Variants in NEGR1 observed in about 807,000 individuals in gnomAD.
NEGR1 encodes IgLON family member 4.
A neutral mutation model predicts 40.9 loss-of-function variants in NEGR1; 10 were observed. The observed-to-expected ratio is 0.24, with a 90% confidence interval of 0.15 to 0.42. NEGR1 has a LOEUF of 0.42. Among genes scored for constraint, NEGR1 ranks in the 10% least tolerant of loss-of-function variants. NEGR1 has a pLI of 1.00. For synonymous variants in NEGR1, 185 were observed against 166.8 expected, an observed-to-expected ratio of 1.11 and a Z score of -0.84; for missense variants, 352 against 438.9, an observed-to-expected ratio of 0.80 and a Z score of 1.77.
At chr1:71,902,530 G>A (rs1389748069) in intron 2 of NEGR1, among the ~76,000 whole-genome samples, 6 of 152,128 alleles carry the variant, frequency 3.9e-5, no homozygotes, top group African/African-American at 7.2e-5. Flanking sequence ...GTGATGACCT[G>A]CTTGGTCAGA....
At chr1:71,964,383 C>A (rs555993247) in intron 1 of NEGR1, among the ~76,000 whole-genome samples, 90 of 152,240 alleles carry the variant, frequency 5.9e-4, no homozygotes, top group African/African-American at 2.1e-3. Context: ...TCACTCTCCC[C>A]ATTACTCCTC....
intron 1 of NEGR1, among the ~76,000 whole-genome samples, chr1:71,991,382 C>T (rs1646449362): frequency 6.6e-6 from 1 of 152,148 alleles, no homozygotes; most frequent in Non-Finnish European, 1.5e-5. Flanking sequence ...AACCACTACT[C>T]CCTCCCACCA....
intron 1 of NEGR1, among the ~76,000 whole-genome samples, chr1:72,192,779 G>GT (rs1484630378): frequency 6.6e-6 from 1 of 151,782 alleles, no homozygotes; most frequent in Non-Finnish European, 1.5e-5. Context: ...GGATTATAGA[G>GT]TTTATCATAT....
intron 1 of NEGR1, among the ~76,000 whole-genome samples, chr1:72,005,749 A>G (rs1646600986): frequency 6.6e-6 from 1 of 152,150 alleles, no homozygotes; most frequent in African/African-American, 2.4e-5. Context: ...CAATATTTCA[A>G]AATATCTAGC....
intron 4 of NEGR1, among the ~76,000 whole-genome samples, chr1:71,621,598 A>C (rs1404530931): frequency 6.6e-6 from 1 of 151,454 alleles, no homozygotes; most frequent in Non-Finnish European, 1.5e-5. Flanking sequence ...GGTACAGAAA[A>C]AAAACAAAAT....
intron 1 of NEGR1, among the ~76,000 whole-genome samples, chr1:72,221,687 A>G (rs1654015747): frequency 6.6e-6 from 1 of 152,178 alleles, no homozygotes; most frequent in Non-Finnish European, 1.5e-5. Flanking sequence ...TAAAATCCTC[A>G]AAAAATCCTG....
At chr1:71,887,606 C>T (rs1268240376) in intron 2 of NEGR1, among the ~76,000 whole-genome samples, 1 of 152,050 alleles carries the variant, frequency 6.6e-6, no homozygotes, top group Admixed American at 6.6e-5. Context: ...GAGTAATTAG[C>T]ATATCCATCA....
intron 2 of NEGR1, among the ~76,000 whole-genome samples, chr1:71,902,259 C>T (rs1661163094): frequency 6.6e-6 from 1 of 152,066 alleles, no homozygotes; most frequent in South Asian, 2.1e-4. Flanking sequence ...AATAAGAGCG[C>T]AGTATGTGGT....
chr1:71,639,575 G>T (rs2101572077), intron 4 of NEGR1, among the ~76,000 whole-genome samples: 1 of 152,134 alleles, frequency 6.6e-6, no homozygotes. Flanking sequence ...AAGTTAGAAG[G>T]TGAGGCATAG....
At chr1:72,273,251 T>C (rs990860718) in intron 1 of NEGR1, among the ~76,000 whole-genome samples, 1 of 152,030 alleles carries the variant, frequency 6.6e-6, no homozygotes, top group African/African-American at 2.4e-5. Context: ...AATTGAGTTA[T>C]TCATCCATAT....
chr1:71,898,980 G>GTATA (rs1661062571), intron 2 of NEGR1, among the ~76,000 whole-genome samples: 3 of 10,872 alleles, frequency 2.8e-4, no homozygotes, highest in East Asian at 0.011. Context: ...TATATATATA[G>GTATA]CATATATATA....
At chr1:71,985,992 A>C (rs1646390821) in intron 1 of NEGR1, among the ~76,000 whole-genome samples, 1 of 152,228 alleles carries the variant, frequency 6.6e-6, no homozygotes, top group South Asian at 2.1e-4. Flanking sequence ...AAATACATTT[A>C]ACTGAGAACA....
intron 6 of NEGR1, among the ~76,000 whole-genome samples, chr1:71,445,045 A>G (rs1029177420): frequency 1.4e-4 from 22 of 152,304 alleles, no homozygotes; most frequent in African/African-American, 5.0e-4. Context: ...ATGCATACAC[A>G]CAATAAATAA....
chr1:72,086,387 T>C (rs1176816691), intron 1 of NEGR1, among the ~76,000 whole-genome samples: 1 of 152,206 alleles, frequency 6.6e-6, no homozygotes, highest in South Asian at 2.1e-4. Flanking sequence ...TGTTTGTTTC[T>C]TAGAGATTTC....
At chr1:71,610,169 C>T (rs1650207901) in intron 5 of NEGR1, among the ~76,000 whole-genome samples, 1 of 152,184 alleles carries the variant, frequency 6.6e-6, no homozygotes, top group Admixed American at 6.5e-5. Flanking sequence ...TGTAAACCCC[C>T]TACATATATG....
intron 4 of NEGR1, among the ~76,000 whole-genome samples, chr1:71,649,702 A>T (rs553072145): frequency 6.6e-6 from 1 of 152,296 alleles, no homozygotes; most frequent in East Asian, 1.9e-4. Flanking sequence ...CTTATATTAC[A>T]TAAAAAGAAG....
chr1:71,850,806 T>G (rs1659576240), intron 2 of NEGR1, among the ~76,000 whole-genome samples: 1 of 152,154 alleles, frequency 6.6e-6, no homozygotes, highest in Non-Finnish European at 1.5e-5. Flanking sequence ...GGTACCATTA[T>G]CTATAAAGAC....
At chr1:71,994,421 G>A (rs971658933) in intron 1 of NEGR1, among the ~76,000 whole-genome samples, 1 of 151,862 alleles carries the variant, frequency 6.6e-6, no homozygotes, top group Non-Finnish European at 1.5e-5. Context: ...CCAGCTACTC[G>A]GGAGGCTGAG....
At chr1:71,736,795 A>T (rs1014111977) in intron 3 of NEGR1, among the ~76,000 whole-genome samples, 3 of 152,220 alleles carry the variant, frequency 2.0e-5, no homozygotes, top group African/African-American at 7.2e-5. Context: ...TTGCTGAAGA[A>T]TTGAATGCAT....
Sources: gnomAD v4.1 joint callset for allele counts (sites outside exome capture counted in the v4.1 genomes callset) on GRCh38, gnomAD v4.1.1 for gene constraint, MANE v1.5 for transcripts, NCBI Gene and HGNC (gene_info 2026-07-23, HGNC 2026-07-21) for gene names.